Variants in NFATC3 observed in about 807,000 individuals in gnomAD.
NFATC3 encodes nuclear factor of activated T cells 3, also known as nuclear factor of activated T-cells, cytoplasmic 3.
NFATC3 carries 46 observed loss-of-function variants against 98.6 expected under a neutral mutation model. That is an observed-to-expected ratio of 0.47 (90% CI 0.37 to 0.60). The LOEUF is 0.60. NFATC3 is among the 20% of genes least tolerant of loss of function. The pLI is 0.00. For missense variants in NFATC3, 1,256 were observed against 1,295.5 expected, an observed-to-expected ratio of 0.97 and a Z score of 0.47; for synonymous variants, 512 against 472.2, an observed-to-expected ratio of 1.08 and a Z score of -1.09.
intron 1 of NFATC3, chr16:68,088,979 T>G: frequency 1.0e-6 from 1 of 985,446 alleles, no homozygotes; most frequent in Non-Finnish European, 1.2e-6. Flanking sequence ...TTTTGTTAAA[T>G]AAGTGAATAA....
In NFATC3 at chr16:68,122,879, A is replaced by T. The variant is rs991042941; in HGVS notation, c.996A>T (p.Val332=). The T allele has an allele frequency of 1.1e-5, 18 of 1,614,088 alleles. No homozygotes were observed. In the East Asian group the frequency reaches 3.8e-4, roughly 34 times the overall value. The change falls in exon 2 of 10, where the codon GTA becomes GTT. Residue 332 remains valine, a synonymous_variant. Transcript: ENST00000346183. Reference sequence around the variant, plus strand: ...CAGTTTTTCCATTTCAGTACTGTGTAGAGACTGACATCCCTCTCAAAACAA... The same window carrying T: ...CAGTTTTTCCATTTCAGTACTGTGTTGAGACTGACATCCCTCTCAAAACAA... The part of the protein sequence containing the change: ...GPAVFPFQYC[V]ETDIPLKTRK...
intron 1 of NFATC3, among the ~76,000 whole-genome samples, chr16:68,086,399 TG>T (rs1456890134): frequency 3.3e-5 from 5 of 152,114 alleles, no homozygotes; most frequent in Non-Finnish European, 5.9e-5. Flanking sequence ...TTTTTAATAG[TG>T]GGTTGCTTTT....
intron 1 of NFATC3, among the ~76,000 whole-genome samples, chr16:68,107,334 C>G (rs2035712662): frequency 6.6e-6 from 1 of 152,184 alleles, no homozygotes; most frequent in South Asian, 2.1e-4. Flanking sequence ...ACACTGTCTT[C>G]CACAATGTTT....
chr16:68,158,045 T>C lies in NFATC3; in HGVS notation c.1578T>C (p.Leu526=). 2.5e-6 allele frequency: 4 copies of C among 1,612,842 alleles called. No individual in the cohort carries two copies. The highest frequency in any genetic ancestry group is 3.4e-6 in the Non-Finnish European group (4 of 1,179,322). The stretch of plus-strand genomic sequence containing the variant: ...CAAAAGTTCTGGAAATTCCACTTCT[T>C]CCTGAAAATAATATGTCAGCCAGGT... The part of the protein sequence containing the change: ...ASTKVLEIPL[L]PENNMSASID... Residue 526 remains leucine (L), a synonymous_variant, in exon 4 of 10, where the codon CTT becomes CTC. Transcript: ENST00000346183.
rs556517377 is a variant in NFATC3, at chr16:68,174,657, A to T, written c.1915+143A>T. 5.8e-5 allele frequency: 36 copies of T among 619,910 alleles called. No homozygotes were observed. The South Asian group carries it at 1.6e-3, about 28-fold the overall frequency. The allele number at this position is 619,910 out of a possible 1,614,324, so 38.4% of individuals were successfully genotyped here. ...TTGCACTTGATTTTATTTTAAACCAAACATTTATTAAATTTTCATATAAAT... is the reference window on the plus strand; with the variant it reads ...TTGCACTTGATTTTATTTTAAACCATACATTTATTAAATTTTCATATAAAT... On this transcript the variant is annotated intron_variant, in intron 6 of 9. Transcript: ENST00000346183.
At chr16:68,119,488 A>G (rs1332040489) in intron 1 of NFATC3, among the ~76,000 whole-genome samples, 1 of 151,930 alleles carries the variant, frequency 6.6e-6, no homozygotes, top group Admixed American at 6.6e-5. Context: ...CGTAGCTCTC[A>G]TTATTCTGCC....
chr16:68,094,441 A>T (rs2034898984), intron 1 of NFATC3, among the ~76,000 whole-genome samples: 2 of 152,030 alleles, frequency 1.3e-5, no homozygotes, highest in African/African-American at 4.8e-5. Context: ...AAAAATGAGT[A>T]CTATTTATTT....
At chr16:68,195,593 G>A (rs1215132940) in intron 9 of NFATC3, among the ~76,000 whole-genome samples, 1 of 152,100 alleles carries the variant, frequency 6.6e-6, no homozygotes, top group East Asian at 1.9e-4. Context: ...CGGATCACGA[G>A]GTCAGGAGAT....
At chr16:68,107,917 TA>T (rs1280509489) in intron 1 of NFATC3, among the ~76,000 whole-genome samples, 86 of 151,160 alleles carry the variant, frequency 5.7e-4, no homozygotes, top group Non-Finnish European at 8.9e-4. Flanking sequence ...TGGGGTGGTT[TA>T]TTTTTTTTTT....
At chr16:68,194,540 A>T (rs761889322) in intron 9 of NFATC3, among the ~76,000 whole-genome samples, 84 of 152,366 alleles carry the variant, frequency 5.5e-4, no homozygotes, top group Non-Finnish European at 7.2e-4. Context: ...TATTGGCTTT[A>T]AAAATGTTGC....
chr16:68,164,149 C>T (rs1207732644), intron 4 of NFATC3, among the ~76,000 whole-genome samples: 1 of 152,244 alleles, frequency 6.6e-6, no homozygotes, highest in African/African-American at 2.4e-5. Flanking sequence ...TCTGCAATCC[C>T]AGCACCTCGG....
intron 9 of NFATC3, among the ~76,000 whole-genome samples, chr16:68,194,031 A>G (rs2040554101): frequency 6.6e-6 from 1 of 152,192 alleles, no homozygotes; most frequent in Admixed American, 6.5e-5. Flanking sequence ...TGTAAACTAG[A>G]GCAACACCTA....
chr16:68,218,034 C>G, intron 9 of NFATC3: 1 of 1,119,704 alleles, frequency 8.9e-7, no homozygotes. Context: ...CTTGAAAAAT[C>G]AAATGAATAT....
chr16:68,109,134 G>A (rs1272982766), intron 1 of NFATC3, among the ~76,000 whole-genome samples: 2 of 152,108 alleles, frequency 1.3e-5, no homozygotes, highest in Non-Finnish European at 2.9e-5. Flanking sequence ...TGAGATAGGG[G>A]CATCCTTGTC....
In NFATC3 at chr16:68,183,961, G is replaced by A. The variant is rs1192870409; in HGVS notation, c.2098+595G>A. Among the ~76,000 whole-genome samples the A allele has an allele frequency of 4.4e-5, 6 of 135,732 alleles. No individual in the cohort carries two copies. The East Asian group carries it at 8.6e-4, about 19-fold the overall frequency. 89.0% of individuals were successfully genotyped at this position (135,732 alleles called of 152,430 possible). A position where few individuals can be genotyped will look rare whatever the true frequency, so the allele number is the denominator to read the frequency against. ...GTGGAGGTTGCGGTGAGCCGAGATC[G>A]CACCATTGCACTCCAGCCTGGGAAA... On this transcript the variant is annotated intron_variant, in intron 8 of 9. Transcript: ENST00000346183.
chr16:68,107,191 G>A (rs537615486), intron 1 of NFATC3, among the ~76,000 whole-genome samples: 2 of 152,276 alleles, frequency 1.3e-5, no homozygotes, highest in African/African-American at 4.8e-5. Context: ...ATTGTGAATA[G>A]TGCTGCAGTA....
At chr16:68,090,505 C>T (rs570565490) in intron 1 of NFATC3, among the ~76,000 whole-genome samples, 1 of 152,126 alleles carries the variant, frequency 6.6e-6, no homozygotes, top group South Asian at 2.1e-4. Context: ...GCAATTTAAA[C>T]CTTACATGAG....
chr16:68,143,979 A>G (rs2037896973), intron 3 of NFATC3, among the ~76,000 whole-genome samples: 2 of 152,202 alleles, frequency 1.3e-5, no homozygotes, highest in Non-Finnish European at 2.9e-5. Flanking sequence ...CACCATACCT[A>G]AAAGAAAAAA....
intron 1 of NFATC3, among the ~76,000 whole-genome samples, chr16:68,113,703 A>G (rs2036106052): frequency 6.6e-6 from 1 of 152,354 alleles, no homozygotes; most frequent in South Asian, 2.1e-4. Flanking sequence ...CCATGAGACC[A>G]TGACCACCCC....
Sources: allele counts gnomAD v4.1 joint callset (sites outside exome capture counted in the v4.1 genomes callset), GRCh38; gene constraint gnomAD v4.1.1; transcripts MANE v1.5; gene names NCBI Gene and HGNC (gene_info 2026-07-23, HGNC 2026-07-21).